The following DIAPH3 variants were observed in gnomAD, a reference collection of about 807,000 sequenced individuals.
DIAPH3 encodes diaphanous related formin 3.
Under a neutral mutation model 144.3 loss-of-function variants are expected in DIAPH3, and 117 were observed. The ratio of observed to expected loss-of-function variants is 0.81; its 90% confidence interval spans 0.70 to 0.95. The LOEUF is 0.95. DIAPH3 is among the 40% of genes least tolerant of loss of function. The pLI is 0.00. For synonymous variants in DIAPH3, 519 were observed against 488.9 expected, an observed-to-expected ratio of 1.06 and a Z score of -0.81; for missense variants, 1,421 against 1,412.7, an observed-to-expected ratio of 1.01 and a Z score of -0.09.
At chr13:59,854,918 C>T (rs1190175493) in intron 22 of DIAPH3, among the ~76,000 whole-genome samples, 1 of 152,074 alleles carries the variant, frequency 6.6e-6, no homozygotes, top group Non-Finnish European at 1.5e-5. Flanking sequence ...ATGTGGTTTT[C>T]TTCTTCATCA....
At chr13:59,747,314 A>C (rs886150021) in intron 27 of DIAPH3, among the ~76,000 whole-genome samples, 21 of 152,194 alleles carry the variant, frequency 1.4e-4, no homozygotes, top group African/African-American at 4.8e-4. Context: ...GAGGGAATGA[A>C]TCTTTCAATA....
chr13:59,978,497 G>A (rs543877095), intron 14 of DIAPH3, among the ~76,000 whole-genome samples: 159 of 151,524 alleles, frequency 1.0e-3, no homozygotes, highest in African/African-American at 3.6e-3. Flanking sequence ...ATTATTTCGG[G>A]ACTTAAGATA....
intron 24 of DIAPH3, among the ~76,000 whole-genome samples, chr13:59,812,252 C>CATG (rs2040520615): frequency 9.4e-5 from 1 of 10,594 alleles, no homozygotes; most frequent in African/African-American, 3.0e-4. Context: ...ATGCATGCAT[C>CATG]CATCCATCCA....
intron 27 of DIAPH3, among the ~76,000 whole-genome samples, chr13:59,706,202 A>G (rs1349435838): frequency 6.6e-6 from 1 of 152,186 alleles, no homozygotes; most frequent in Non-Finnish European, 1.5e-5. Context: ...TTAAGGAATA[A>G]TAACAAGAAA....
chr13:59,873,478 T>C (rs2044404032), intron 21 of DIAPH3, among the ~76,000 whole-genome samples: 1 of 152,180 alleles, frequency 6.6e-6, no homozygotes. Flanking sequence ...TCCTGTCTCA[T>C]GCTTTTGTAG....
At chr13:59,936,482 C>T (rs2048266367) in intron 17 of DIAPH3, among the ~76,000 whole-genome samples, 1 of 152,066 alleles carries the variant, frequency 6.6e-6, no homozygotes, top group Admixed American at 6.5e-5. Context: ...TTCAAAATAA[C>T]AGATGAAACA....
chr13:60,087,144 A>G (rs1309304195), intron 4 of DIAPH3, among the ~76,000 whole-genome samples: 1 of 152,242 alleles, frequency 6.6e-6, no homozygotes, highest in Non-Finnish European at 1.5e-5. Context: ...TGTTCAGTGT[A>G]GACACAATTG....
intron 20 of DIAPH3, among the ~76,000 whole-genome samples, chr13:59,883,065 C>T (rs2077581600): frequency 6.6e-6 from 1 of 152,068 alleles, no homozygotes; most frequent in African/African-American, 2.4e-5. Context: ...GAGGGAACAA[C>T]GTAAAAAGAC....
intron 12 of DIAPH3, among the ~76,000 whole-genome samples, chr13:59,987,475 T>TAAAAAAAAAAAAAAAAAAAAAA (rs201333360): frequency 2.8e-5 from 2 of 70,180 alleles, no homozygotes; most frequent in African/African-American, 4.6e-5. Context: ...TAAAGTATAA[T>TAAAAAAAAAAAAAAAAAAAAAA]AAAAAAAAAA....
At chr13:59,867,917 AT>A (rs1014807175) in intron 21 of DIAPH3, among the ~76,000 whole-genome samples, 6 of 152,146 alleles carry the variant, frequency 3.9e-5, no homozygotes, top group African/African-American at 1.2e-4. Flanking sequence ...ATACAAATAT[AT>A]TTTTTAAATG....
At chr13:59,950,762 T>C (rs1390500176) in intron 17 of DIAPH3, among the ~76,000 whole-genome samples, 3 of 152,076 alleles carry the variant, frequency 2.0e-5, no homozygotes, top group Admixed American at 6.6e-5. Flanking sequence ...AATGACTAAA[T>C]GTAATACTAT....
intron 21 of DIAPH3, among the ~76,000 whole-genome samples, chr13:59,871,950 T>C (rs1056583114): frequency 6.6e-6 from 1 of 152,222 alleles, no homozygotes; most frequent in African/African-American, 2.4e-5. Context: ...TCTTTCGTTT[T>C]TGATATGGGC....
At chr13:59,791,129 T>C (rs925282501) in intron 25 of DIAPH3, among the ~76,000 whole-genome samples, 17 of 152,070 alleles carry the variant, frequency 1.1e-4, no homozygotes, top group Non-Finnish European at 1.9e-4. Context: ...CATGCCCAAG[T>C]AATTAAAAAA....
chr13:60,133,749 C>T (rs1463724131), intron 1 of DIAPH3, among the ~76,000 whole-genome samples: 1 of 152,014 alleles, frequency 6.6e-6, no homozygotes, highest in African/African-American at 2.4e-5. Context: ...TTTATAAGTC[C>T]CAGTGTCGGG....
At chr13:59,955,469 G>C (rs933101571) in intron 17 of DIAPH3, among the ~76,000 whole-genome samples, 20 of 152,266 alleles carry the variant, frequency 1.3e-4, no homozygotes, top group Admixed American at 3.9e-4. Flanking sequence ...ATGTGGAACT[G>C]TAAGTTAATT....
chr13:60,105,099 C>CAAAAAAAAAAAACAAAAAAAAAAAAAAAA (rs530311392), intron 3 of DIAPH3, among the ~76,000 whole-genome samples: 1 of 41,838 alleles, frequency 2.4e-5, no homozygotes, highest in Non-Finnish European at 4.4e-5. Context: ...GACACGATCT[C>CAAAAAAAAAAAACAAAAAAAAAAAAAAAA]AAAAAAAAAA....
intron 3 of DIAPH3, among the ~76,000 whole-genome samples, chr13:60,094,743 C>G (rs770756940): frequency 1.3e-5 from 2 of 152,136 alleles, no homozygotes; most frequent in Admixed American, 6.5e-5. Context: ...ATGCCTTTAG[C>G]TGACTCAATT....
rs576952127 is a variant in DIAPH3, at chr13:59,937,171, A to T, written c.2075-12301T>A. 2.0e-4 allele frequency among the ~76,000 whole-genome samples: 30 copies of T among 152,196 alleles called. No individual in the cohort carries two copies. In the South Asian group the frequency reaches 6.0e-3, roughly 31 times the overall value. On this transcript the variant is annotated intron_variant, in intron 17 of 27. Coordinates refer to ENST00000400324, the MANE Select transcript of DIAPH3 (RefSeq NM_001042517.2). Reference sequence around the variant, plus strand: ...GAGCAAGACTCCATCTCAAAAAAAAAAAAACATAATAATAATAATTTTTCC... The same window carrying T: ...GAGCAAGACTCCATCTCAAAAAAAATAAAACATAATAATAATAATTTTTCC...
Position 59,666,030 on chromosome 13 carries a change from G to C in DIAPH3, c.*554C>G, listed in dbSNP as rs182530464. Reference sequence around the variant, plus strand: ...ACATGAATTCAACAATGATGATAATGGGGTCACCAGTCATTTCCTTACATA... The same window carrying C: ...ACATGAATTCAACAATGATGATAATCGGGTCACCAGTCATTTCCTTACATA... On this transcript the variant is annotated 3_prime_UTR_variant, in exon 28 of 28. Transcript: ENST00000400324. 6.5e-6 allele frequency: 1 copy of C among 152,682 alleles called. No individual in the cohort carries two copies. The highest frequency in any genetic ancestry group is 1.9e-4 in the East Asian group (1 of 5,190). The allele number at this position is 152,682 out of a possible 1,614,324, so 9.5% of individuals were successfully genotyped here. A position where few individuals can be genotyped will look rare whatever the true frequency, so the allele number is the denominator to read the frequency against.
Sources: allele counts gnomAD v4.1 joint callset (sites outside exome capture counted in the v4.1 genomes callset), GRCh38; gene constraint gnomAD v4.1.1; transcripts MANE v1.5; gene names NCBI Gene and HGNC (gene_info 2026-07-23, HGNC 2026-07-21).